CRACR2A: variants seen among roughly 807,000 people sequenced by gnomAD.
The protein encoded by CRACR2A is calcium release activated channel regulator 2A.
In CRACR2A, 79 loss-of-function variants were observed where a neutral mutation model predicts 90.5. That is an observed-to-expected ratio of 0.87 (90% CI 0.73 to 1.05). The LOEUF is 1.05. Ranked by LOEUF, CRACR2A falls within the 50% of genes least tolerant of loss-of-function variation. The pLI is 0.00. For synonymous variants in CRACR2A, 338 were observed against 356.7 expected (o/e 0.95, Z 0.59); for missense variants, 823 against 897.2 (o/e 0.92, Z 1.06).
intron 10 of CRACR2A, among the ~76,000 whole-genome samples, chr12:3,653,695 G>A (rs1292408810): frequency 6.6e-6 from 1 of 152,176 alleles, no homozygotes; most frequent in Admixed American, 6.5e-5. Flanking sequence ...AAAATGGGCA[G>A]AGATGGAGAG....
Position 3,658,365 on chromosome 12 carries a change from G to C in CRACR2A, c.762+1199C>G, listed in dbSNP as rs558399422. On this transcript the variant is annotated intron_variant, in intron 8 of 19. Coordinates refer to ENST00000440314, the MANE Select transcript of CRACR2A (RefSeq NM_001144958.2). Reference sequence around the variant, plus strand: ...GTGCAGGATGTCATTCGGGATAAAGGGGGTGGCTGTCCGATGGCGGGGAGG... The same window carrying C: ...GTGCAGGATGTCATTCGGGATAAAGCGGGTGGCTGTCCGATGGCGGGGAGG... Among the ~76,000 whole-genome samples, 3 of 152,244 alleles carry C rather than the reference G, an allele frequency of 2.0e-5. No individual in the cohort carries two copies. In the East Asian group the frequency reaches 5.8e-4, roughly 29 times the overall value.
chr12:3,639,635 T>C (rs895705915), intron 13 of CRACR2A, among the ~76,000 whole-genome samples: 3 of 151,954 alleles, frequency 2.0e-5, no homozygotes, highest in Admixed American at 6.6e-5. Context: ...TATGTATTAC[T>C]CTTAAAGATC....
intron 17 of CRACR2A, among the ~76,000 whole-genome samples, chr12:3,625,013 T>G (rs1364481276): frequency 6.6e-6 from 1 of 152,132 alleles, no homozygotes; most frequent in Non-Finnish European, 1.5e-5. Context: ...CTTTAAAAGC[T>G]CCACGTGTGA....
intron 14 of CRACR2A, among the ~76,000 whole-genome samples, chr12:3,634,876 C>T (rs1944431780): frequency 6.6e-6 from 1 of 152,114 alleles, no homozygotes. Flanking sequence ...AAAATAACAA[C>T]CAACCTGCAC....
intron 7 of CRACR2A, among the ~76,000 whole-genome samples, chr12:3,673,195 C>G (rs55859907): frequency 0.15 from 22,494 of 152,160 alleles, 1,844 homozygotes; most frequent in South Asian, 0.26. Flanking sequence ...TCCTTCAAAG[C>G]GTTGTGGTGA....
rs1180097805 is a variant in CRACR2A at position 3,638,237 on chromosome 12, C to T, written c.1489G>A (p.Glu497Lys). Reference sequence around the variant, plus strand: ...ACCCCCTGGTCAGAGACCTCTTCCTCTTCTGAGCATTTGCTCAGGGGTTGC... The same window carrying T: ...ACCCCCTGGTCAGAGACCTCTTCCTTTTCTGAGCATTTGCTCAGGGGTTGC... Reference protein sequence around the residue: ...FEQPLSKCSEEEEVSDQGVQG... With the variant: ...FEQPLSKCSEKEEVSDQGVQG... Residue 497 changes from glutamate to lysine, a missense_variant, in exon 14 of 20, where the codon GAG (glutamate) becomes AAG (lysine). Physicochemically the swap from Glu to Lys is moderately conservative, Grantham distance 56. Coordinates refer to ENST00000440314, the MANE Select transcript of CRACR2A (RefSeq NM_001144958.2). 6.4e-7 allele frequency: 1 copy of T among 1,551,710 alleles called. No homozygotes were observed. Among genetic ancestry groups the T allele is most frequent in the Admixed American group, 2.0e-5 (1 of 51,016 alleles).
chr12:3,740,022 G>A (rs1284224865), intron 1 of CRACR2A, among the ~76,000 whole-genome samples: 1 of 152,100 alleles, frequency 6.6e-6, no homozygotes, highest in African/African-American at 2.4e-5. Context: ...ATAATTTGTG[G>A]TCACAGTGTT....
At chr12:3,650,249 G>A (rs1944771342) in intron 10 of CRACR2A, among the ~76,000 whole-genome samples, 1 of 152,178 alleles carries the variant, frequency 6.6e-6, no homozygotes. Context: ...GCACCAACAT[G>A]CTGGCCCACA....
intron 7 of CRACR2A, among the ~76,000 whole-genome samples, chr12:3,672,442 G>A (rs1326633513): frequency 6.6e-6 from 1 of 152,200 alleles, no homozygotes; most frequent in Non-Finnish European, 1.5e-5. Flanking sequence ...TACAGAAAAT[G>A]AGCAAATCTC....
intron 2 of CRACR2A, chr12:3,726,282 CTTTG>C (rs926776692): frequency 1.4e-4 from 21 of 152,208 alleles, no homozygotes; most frequent in African/African-American, 5.1e-4. Flanking sequence ...TGCTAATCTT[CTTTG>C]TATCATTCCA....
chr12:3,680,479 T>TTCTGCA, intron 4 of CRACR2A, 130 bp from the exon 5 acceptor site: 1 of 678,420 alleles, frequency 1.5e-6, no homozygotes, highest in Non-Finnish European at 2.6e-6. Flanking sequence ...AGTAGAAAGC[T>TTCTGCA]TCTGCATCCA....
At chr12:3,671,186 G>A (rs1990308) in intron 7 of CRACR2A, among the ~76,000 whole-genome samples, 22,484 of 152,158 alleles carry the variant, frequency 0.15, 1,846 homozygotes, top group South Asian at 0.26. Context: ...TCCTGCAGAT[G>A]AGATGCCAGG....
chr12:3,730,170 T>C (rs73033643), intron 2 of CRACR2A: 16,455 of 152,334 alleles, frequency 0.11, 1,027 homozygotes, highest in African/African-American at 0.16. Context: ...CTCCCTCTGC[T>C]GGAAAAAGAC....
intron 6 of CRACR2A, among the ~76,000 whole-genome samples, chr12:3,676,074 T>C (rs1945330571): frequency 6.7e-6 from 1 of 149,394 alleles, no homozygotes; most frequent in Admixed American, 6.7e-5. Context: ...TTCTATCCCA[T>C]CCAAACATCC....
chr12:3,682,719 G>A (rs1945479769), intron 4 of CRACR2A, among the ~76,000 whole-genome samples: 1 of 152,016 alleles, frequency 6.6e-6, no homozygotes, highest in Non-Finnish European at 1.5e-5. Flanking sequence ...AGGGCCTACA[G>A]AGCCACAGAA....
intron 6 of CRACR2A, among the ~76,000 whole-genome samples, chr12:3,676,882 A>G (rs1407741889): frequency 6.6e-6 from 1 of 152,168 alleles, no homozygotes; most frequent in Non-Finnish European, 1.5e-5. Flanking sequence ...ACTGAGCTCA[A>G]GTCCCCAGTG....
At chr12:3,704,917 C>T (rs1354768244) in intron 3 of CRACR2A, among the ~76,000 whole-genome samples, 2 of 152,204 alleles carry the variant, frequency 1.3e-5, no homozygotes, top group African/African-American at 2.4e-5. Context: ...CTTTGCTGAG[C>T]GTCTGTGGCT....
chr12:3,673,693 C>G, intron 6 of CRACR2A, 101 bp from the exon 7 acceptor site: 2 of 1,433,742 alleles, frequency 1.4e-6, no homozygotes, highest in Non-Finnish European at 9.4e-7. Context: ...ACAGTACCGT[C>G]AGAATCATTA....
intron 2 of CRACR2A, among the ~76,000 whole-genome samples, chr12:3,718,855 G>A (rs1052027106): frequency 3.3e-5 from 5 of 152,180 alleles, no homozygotes; most frequent in Non-Finnish European, 7.3e-5. Flanking sequence ...GCACCTGAAT[G>A]GATGAGTGAG....
Sources: gnomAD v4.1 joint callset for allele counts (sites outside exome capture counted in the v4.1 genomes callset) on GRCh38, gnomAD v4.1.1 for gene constraint, MANE v1.5 for transcripts, NCBI Gene and HGNC (gene_info 2026-07-23, HGNC 2026-07-21) for gene names.